AVPI1: variants seen among roughly 807,000 people sequenced by gnomAD.
AVPI1 encodes arginine vasopressin-induced protein 1.
In AVPI1, 9 loss-of-function variants were observed where a neutral mutation model predicts 11.9. The observed-to-expected ratio is 0.76, with a 90% confidence interval of 0.46 to 1.32. The LOEUF is 1.32. Among genes scored for constraint, AVPI1 ranks in the 40% most tolerant of loss-of-function variants. The pLI, the probability that AVPI1 is intolerant of heterozygous loss-of-function variation, is 0.00. For synonymous variants in AVPI1, 68 were observed against 78.1 expected, an observed-to-expected ratio of 0.87 and a Z score of 0.68; for missense variants, 207 against 195.8, an observed-to-expected ratio of 1.06 and a Z score of -0.34.
chr10:97,684,727 C>T (rs377540151), intron 1 of AVPI1, among the ~76,000 whole-genome samples: 21 of 152,036 alleles, frequency 1.4e-4, no homozygotes, highest in East Asian at 7.7e-4. Flanking sequence ...CTTGAACTCC[C>T]GACCTCAAGT....
At chr10:97,678,795 C>T (rs1172112073) in intron 2 of AVPI1, among the ~76,000 whole-genome samples, 1 of 151,792 alleles carries the variant, frequency 6.6e-6, no homozygotes, top group Non-Finnish European at 1.5e-5. Flanking sequence ...TCAAGTGATC[C>T]TCCTACCTCA....
chr10:97,678,151 CTGG>C, intron 2 of AVPI1, 126 bp from the exon 3 acceptor site: 2 of 1,043,286 alleles, frequency 1.9e-6, no homozygotes, highest in Non-Finnish European at 2.8e-6. Flanking sequence ...GGGCTCTGCT[CTGG>C]TCTTTCCCCC....
At position 97,679,663 on chromosome 10, in the gene AVPI1, C is replaced by T; in HGVS notation, c.243G>A (p.Arg81=). 1 of 1,613,878 alleles carries T rather than the reference C, an allele frequency of 6.2e-7. No individual in the cohort carries two copies. Among genetic ancestry groups the T allele is most frequent in the Non-Finnish European group, 8.5e-7 (1 of 1,179,912 alleles). ...LKRLRRKRPP[R]QKPLGHSLHH... ...GTAGCGAGTGGCCCAGGGGTTTCTGCCTTGGGGGCCTCTTCCTGCGCAGCC... is the reference window on the plus strand; with the variant it reads ...GTAGCGAGTGGCCCAGGGGTTTCTGTCTTGGGGGCCTCTTCCTGCGCAGCC... The change falls in exon 2 of 3, where the codon AGG becomes AGA. Residue 81 remains arginine (R), a synonymous_variant. Transcript: ENST00000370626.
intron 2 of AVPI1, 67 bp downstream of exon 2, chr10:97,679,552 C>T (rs902953570): frequency 4.5e-5 from 68 of 1,497,292 alleles, no homozygotes; most frequent in Non-Finnish European, 1.2e-5. Context: ...CTCCAGGCCA[C>T]ACAGCCATGC....
intron 2 of AVPI1, among the ~76,000 whole-genome samples, chr10:97,679,039 A>C (rs1309977240): frequency 7.2e-6 from 1 of 139,660 alleles, no homozygotes; most frequent in South Asian, 2.5e-4. Context: ...CCAGGCTGGT[A>C]AGCTGAGAAT....
At chr10:97,683,552 T>C (rs555150283) in intron 1 of AVPI1, among the ~76,000 whole-genome samples, 2 of 152,252 alleles carry the variant, frequency 1.3e-5, no homozygotes, top group African/African-American at 4.8e-5. Flanking sequence ...TATTCCCACC[T>C]AATTCATGAA....
chr10:97,683,615 G>A (rs1445684383), intron 1 of AVPI1, among the ~76,000 whole-genome samples: 1 of 152,250 alleles, frequency 6.6e-6, no homozygotes, highest in Non-Finnish European at 1.5e-5. Context: ...CCACCTGGTG[G>A]AGGCAGGGGT....
chr10:97,679,558 C>T, intron 2 of AVPI1, 61 bp downstream of exon 2: 1 of 1,517,564 alleles, frequency 6.6e-7, no homozygotes, highest in Non-Finnish European at 8.9e-7. Flanking sequence ...GCCACACAGC[C>T]ATGCAGTGGT....
intron 1 of AVPI1, among the ~76,000 whole-genome samples, chr10:97,683,878 T>A (rs565621275): frequency 1.8e-4 from 28 of 152,000 alleles, no homozygotes; most frequent in African/African-American, 6.8e-4. Context: ...GCTTCCCTGT[T>A]ACTGCTATAA....
chr10:97,680,659 G>C (rs981963597), intron 1 of AVPI1, among the ~76,000 whole-genome samples: 4 of 152,162 alleles, frequency 2.6e-5, no homozygotes, highest in Non-Finnish European at 5.9e-5. Context: ...GAAGATTGAA[G>C]GAAGACAAAG....
chr10:97,678,882 T>G (rs879883384), intron 2 of AVPI1, among the ~76,000 whole-genome samples: 693 of 4,544 alleles, frequency 0.15, 4 homozygotes, highest in Middle Eastern at 0.5. Context: ...GGGGGGAGGG[T>G]GTGTGTGTGT....
intron 2 of AVPI1, among the ~76,000 whole-genome samples, chr10:97,678,918 T>TTTTCAGAGACAG (rs1564779825): frequency 7.6e-5 from 1 of 13,092 alleles, no homozygotes; most frequent in African/African-American, 2.3e-4. Context: ...TGTGTGTGTG[T>TTTTCAGAGACAG]GTGTGTGTGT....
chr10:97,678,176 T>C, intron 2 of AVPI1, 151 bp from the exon 3 acceptor site: 2 of 867,488 alleles, frequency 2.3e-6, no homozygotes, highest in East Asian at 2.6e-5. Context: ...CTGAGAACTG[T>C]CTGACTAGAC....
Position 97,677,799 on chromosome 10 carries a change from T to C in AVPI1, c.*70A>G, listed in dbSNP as rs1404352133. On this transcript the variant is annotated 3_prime_UTR_variant, in exon 3 of 3. Transcript: ENST00000370626. ...CCCTTTGGGCTGCTTGCCTAAAGTC[T>C]CTCTTCCTTCACCTCCCCAGGCCTT... The C allele has an allele frequency of 6.3e-7, 1 of 1,580,276 alleles. No individual in the cohort carries two copies. Among genetic ancestry groups the C allele is most frequent in the African/African-American group, 1.3e-5 (1 of 74,138 alleles).
intron 2 of AVPI1, among the ~76,000 whole-genome samples, chr10:97,678,879 G>GGGTGTGTGTGT: frequency 7.4e-6 from 1 of 134,408 alleles, no homozygotes; most frequent in Non-Finnish European, 1.6e-5. Flanking sequence ...GGCGGGGGGA[G>GGGTGTGTGTGT]GGTGTGTGTG....
At chr10:97,680,788 G>C (rs1038337463) in intron 1 of AVPI1, among the ~76,000 whole-genome samples, 1 of 152,198 alleles carries the variant, frequency 6.6e-6, no homozygotes, top group African/African-American at 2.4e-5. Flanking sequence ...AGTATGAAAT[G>C]AGCCAATCAG....
intron 2 of AVPI1, among the ~76,000 whole-genome samples, chr10:97,679,092 TTCCATG>T (rs1032335293): frequency 8.3e-5 from 12 of 144,182 alleles, no homozygotes. Flanking sequence ...AGGCATCTCT[TTCCATG>T]GGAGTTCACA....
At position 97,679,874 on chromosome 10, in the gene AVPI1, G is replaced by A; in HGVS notation, c.32C>T (p.Pro11Leu). Residue 11 changes from proline (P) to leucine (L), a missense_variant, in exon 2 of 3, where the codon CCA (proline) becomes CTA (leucine). Pro to Leu is a moderately conservative substitution (Grantham distance 98). Transcript: ENST00000370626. MGTPASVVSE[P>L]PPWQAPIEAR... is the part of the protein sequence containing the mutation. ...CTCAATCGGGGCCTGCCAAGGGGGT[G>A]GCTCACTGACCACCGAGGCTGGGGT... is the stretch of plus-strand genomic sequence containing the variant. 1.3e-6 allele frequency: 2 copies of A among 1,593,912 alleles called. No individual in the cohort carries two copies. Among genetic ancestry groups the A allele is most frequent in the Non-Finnish European group, 1.7e-6 (2 of 1,173,518 alleles).
At chr10:97,678,950 T>TTTTCAGA (rs1564779897) in intron 2 of AVPI1, among the ~76,000 whole-genome samples, 2 of 39,512 alleles carry the variant, frequency 5.1e-5, no homozygotes, top group Non-Finnish European at 1.1e-4. Context: ...TGTGTGTGTG[T>TTTTCAGA]GTGTGTGTGT....
Sources: allele counts gnomAD v4.1 joint callset (sites outside exome capture counted in the v4.1 genomes callset), GRCh38; gene constraint gnomAD v4.1.1; transcripts MANE v1.5; gene names NCBI Gene and HGNC (gene_info 2026-07-23, HGNC 2026-07-21).